Variants in BIN3 observed in about 807,000 individuals in gnomAD.
The protein encoded by BIN3 is bridging integrator 3.
In BIN3, 41 loss-of-function variants were observed where a neutral mutation model predicts 38.2. The ratio of observed to expected loss-of-function variants is 1.07; its 90% CI spans 0.84 to 1.39. The LOEUF is 1.39. BIN3 is among the 40% of genes most tolerant of loss of function. The pLI, the probability that BIN3 is intolerant of heterozygous loss-of-function variation, is 0.00. For missense variants in BIN3, 361 were observed against 324.3 expected (o/e 1.11, Z -0.87); for synonymous variants, 145 against 122.6 (o/e 1.18, Z -1.21).
chr8:22,666,789 T>C (rs979209161), intron 1 of BIN3, among the ~76,000 whole-genome samples: 8 of 152,188 alleles, frequency 5.3e-5, no homozygotes, highest in African/African-American at 1.9e-4. Context: ...ATGGGCCATG[T>C]GCCTTATTTA....
rs1801737964 is a variant in BIN3, at chr8:22,620,433, T to TTTTTTGGC, written c.*988_*989insGCCAAAAA. The TTTTTTGGC allele has an allele frequency of 6.8e-6, 1 of 146,258 alleles. No homozygotes were observed. The highest frequency in any genetic ancestry group is 1.5e-5 in the Non-Finnish European group (1 of 67,020). The allele number at this position is 146,258 out of a possible 1,614,324, so 9.1% of individuals were successfully genotyped here. A position where few individuals can be genotyped will look rare whatever the true frequency, so the allele number is the denominator to read the frequency against. ...AAAGTTGGGGTTTTTTTTTTTTTTTTTTGGCTTGTTTTTTAAATAAACCAA... is the reference window on the plus strand; with the variant it reads ...AAAGTTGGGGTTTTTTTTTTTTTTTTTTTTTGGCTTGGCTTGTTTTTTAAATAAACCAA... On this transcript the variant is annotated 3_prime_UTR_variant, in exon 9 of 9. Transcript: ENST00000276416.
rs763135160 is a variant in BIN3, at chr8:22,621,430, C to T, written c.754G>A (p.Asp252Asn). 84 of 1,612,800 alleles carry T rather than the reference C, an allele frequency of 5.2e-5. No individual in the cohort carries two copies. The highest frequency in any genetic ancestry group is 4.9e-4 in the Middle Eastern group (3 of 6,068). The part of the protein sequence containing the change: ...SELRALSIVA[D>N]D ...CCAAGAGTGACGGGGATTCAGTCAT[C>T]GGCCACAATGGAGAGGGCCCGGAGC... is the stretch of plus-strand genomic sequence containing the variant. Residue 252 changes from aspartate to asparagine, a missense_variant, in exon 9 of 9, where the codon GAT (aspartate) becomes AAT (asparagine). Physicochemically the swap from Asp to Asn is conservative, Grantham distance 23 (BLOSUM62 1). Coordinates refer to ENST00000276416, the MANE Select transcript of BIN3 (RefSeq NM_018688.6).
chr8:22,660,210 C>T (rs982103621), intron 1 of BIN3, among the ~76,000 whole-genome samples: 24 of 152,206 alleles, frequency 1.6e-4, no homozygotes, highest in Admixed American at 1.3e-3. Flanking sequence ...CTTTGCAGCC[C>T]CTTAAGAAGA....
intron 4 of BIN3, among the ~76,000 whole-genome samples, chr8:22,632,436 G>A (rs987897541): frequency 5.3e-5 from 8 of 152,166 alleles, no homozygotes; most frequent in African/African-American, 1.9e-4. Flanking sequence ...GGAGAAGGCT[G>A]GAAATGTAAA....
chr8:22,664,430 G>A (rs1307184837), intron 1 of BIN3, among the ~76,000 whole-genome samples: 3 of 152,236 alleles, frequency 2.0e-5, no homozygotes, highest in African/African-American at 7.2e-5. Context: ...AGTCACAGAG[G>A]ACATGAGTGA....
chr8:22,635,529 T>G (rs568974809), intron 4 of BIN3, among the ~76,000 whole-genome samples: 13 of 152,202 alleles, frequency 8.5e-5, no homozygotes, highest in African/African-American at 3.1e-4. Flanking sequence ...CAGGGAGGCT[T>G]GCTGCCGACC....
intron 1 of BIN3, among the ~76,000 whole-genome samples, chr8:22,660,368 C>T (rs1009750936): frequency 2.6e-5 from 4 of 152,264 alleles, no homozygotes; most frequent in African/African-American, 7.2e-5. Context: ...ATCTCCATTC[C>T]GATGGGCTGA....
At chr8:22,627,641 C>T (rs2117508250) in intron 6 of BIN3, among the ~76,000 whole-genome samples, 1 of 134,872 alleles carries the variant, frequency 7.4e-6, no homozygotes, top group African/African-American at 2.7e-5. Flanking sequence ...TCTGCTGTTC[C>T]AGCGCACTTC....
intron 1 of BIN3, among the ~76,000 whole-genome samples, chr8:22,650,405 G>A (rs955749676): frequency 2.0e-5 from 3 of 152,158 alleles, no homozygotes; most frequent in African/African-American, 7.2e-5. Context: ...CTTTTGATTA[G>A]TGTGAAATCA....
At chr8:22,639,818 C>T (rs1802483655) in intron 2 of BIN3, among the ~76,000 whole-genome samples, 1 of 151,922 alleles carries the variant, frequency 6.6e-6, no homozygotes, top group Non-Finnish European at 1.5e-5. Flanking sequence ...GAGTCCCATG[C>T]TTGGGTGTTG....
intron 1 of BIN3, among the ~76,000 whole-genome samples, chr8:22,649,375 GT>G (rs1802809460): frequency 1.3e-5 from 1 of 79,138 alleles, no homozygotes; most frequent in East Asian, 1.4e-3. Context: ...TCCTTAAAAA[GT>G]AAAGTATTCA....
rs75745379 is a variant in BIN3, at chr8:22,626,025, T to G, written c.339-1662A>C. The G allele has an allele frequency of 9.0e-3, 1,381 of 152,732 alleles. 16 individuals are homozygous for G. The highest frequency in any genetic ancestry group is 0.031 in the African/African-American group (1,301 of 41,526). The allele number at this position is 152,732 out of a possible 1,614,324, so 9.5% of individuals were successfully genotyped here. A position where few individuals can be genotyped will look rare whatever the true frequency, so the allele number is the denominator to read the frequency against. Reference sequence around the variant, plus strand: ...CTAAGTCAGACCCAGGGAGTAGATTTTGATGAAACAAAGGGCTTATCCCCA... The same window carrying G: ...CTAAGTCAGACCCAGGGAGTAGATTGTGATGAAACAAAGGGCTTATCCCCA... On this transcript the variant is annotated intron_variant, in intron 6 of 8. Coordinates refer to ENST00000276416, the MANE Select transcript of BIN3 (RefSeq NM_018688.6).
chr8:22,629,071 T>C (rs1374694832), intron 6 of BIN3, among the ~76,000 whole-genome samples: 1 of 152,182 alleles, frequency 6.6e-6, no homozygotes, highest in Admixed American at 6.5e-5. Context: ...GCGGGCCTTT[T>C]CCTAATCCCA....
intron 1 of BIN3, among the ~76,000 whole-genome samples, chr8:22,665,719 G>A (rs933024845): frequency 6.6e-6 from 1 of 152,210 alleles, no homozygotes; most frequent in Non-Finnish European, 1.5e-5. Context: ...CAGGCCCAGA[G>A]GGCCTCAGAA....
intron 1 of BIN3, among the ~76,000 whole-genome samples, chr8:22,657,719 G>C (rs1803100513): frequency 6.6e-6 from 1 of 152,238 alleles, no homozygotes; most frequent in South Asian, 2.1e-4. Context: ...GCAAGGAAGG[G>C]AGAGTGAGAG....
At position 22,639,907 on chromosome 8, in the gene BIN3, G is replaced by C. The variant is rs1483543031; in HGVS notation, c.58-2945C>G. On this transcript the variant is annotated intron_variant, in intron 2 of 8. Transcript: ENST00000276416. ...GCGGAGTTTCGCTCTTGTCACCCAG[G>C]CTACAGGGCAATGGCGTGATCTCGG... Among the ~76,000 whole-genome samples, 7 of 152,100 alleles carry C rather than the reference G, an allele frequency of 4.6e-5. No homozygotes were observed. The East Asian group carries it at 1.4e-3, about 29-fold the overall frequency.
Position 22,623,959 on chromosome 8 carries a change from G to C in BIN3, c.571C>G (p.Leu191Val). ...EEMPRFYGSR[L>V]DYFQPSFESL... ...TCAAAGCTGGGCTGGAAGTAGTCGA[G>C]GCGGCTGCCGTAGAAGCGCGGCATC... Residue 191 changes from leucine (L) to valine (V), a missense_variant, in exon 8 of 9, where the codon CTC becomes GTC. Coordinates refer to ENST00000276416, the MANE Select transcript of BIN3 (RefSeq NM_018688.6). 2.5e-6 allele frequency: 4 copies of C among 1,611,226 alleles called. No individual in the cohort carries two copies. The South Asian group carries it at 4.4e-5, about 18-fold the overall frequency.
chr8:22,659,513 C>T (rs1485200711), intron 1 of BIN3, among the ~76,000 whole-genome samples: 1 of 152,216 alleles, frequency 6.6e-6, no homozygotes, highest in Non-Finnish European at 1.5e-5. Flanking sequence ...AAGCACACAA[C>T]GTTAAGTCAC....
At chr8:22,668,365 C>G (rs992615290) in intron 1 of BIN3, among the ~76,000 whole-genome samples, 1 of 152,188 alleles carries the variant, frequency 6.6e-6, no homozygotes, top group African/African-American at 2.4e-5. Context: ...AATTGTGACT[C>G]TATTACTCTA....
Sources: gnomAD v4.1 joint callset for allele counts (sites outside exome capture counted in the v4.1 genomes callset) on GRCh38, gnomAD v4.1.1 for gene constraint, MANE v1.5 for transcripts, NCBI Gene and HGNC (gene_info 2026-07-23, HGNC 2026-07-21) for gene names.